DICER1: variants seen among roughly 807,000 people sequenced by gnomAD.
The protein encoded by DICER1 is endoribonuclease Dicer.
A neutral mutation model predicts 194.1 loss-of-function variants in DICER1; 43 were observed. The ratio of observed to expected loss-of-function variants is 0.22; its 90% CI spans 0.17 to 0.29. DICER1 has a LOEUF of 0.29. Among genes scored for constraint, DICER1 ranks in the 10% least tolerant of loss-of-function variants. DICER1 has a pLI of 1.00. For missense variants in DICER1, 1,608 were observed against 2,317.0 expected, an observed-to-expected ratio of 0.69 and a Z score of 6.28; for synonymous variants, 832 against 820.5, an observed-to-expected ratio of 1.01 and a Z score of -0.24.
At chr14:95,156,235 C>T (rs374648396) in intron 1 of DICER1, among the ~76,000 whole-genome samples, 7 of 152,346 alleles carry the variant, frequency 4.6e-5, no homozygotes, top group East Asian at 1.9e-4. Context: ...AGACACCTGA[C>T]AATCAGGATT....
chr14:95,151,606 G>A (rs577999366), intron 1 of DICER1, among the ~76,000 whole-genome samples: 2 of 152,226 alleles, frequency 1.3e-5, no homozygotes, highest in East Asian at 1.9e-4. Flanking sequence ...CTATAAAGTC[G>A]AAGAATCAGG....
intron 4 of DICER1, among the ~76,000 whole-genome samples, chr14:95,131,192 T>A (rs921615973): frequency 3.3e-5 from 5 of 151,980 alleles, no homozygotes; most frequent in African/African-American, 1.2e-4. Context: ...GCCCGGCTAA[T>A]TTTTTTATTG....
At chr14:95,136,086 T>TACAC (rs144415862) in intron 1 of DICER1, among the ~76,000 whole-genome samples, 12,971 of 146,530 alleles carry the variant, frequency 0.089, 691 homozygotes, top group South Asian at 0.22. Flanking sequence ...TACATGTAGA[T>TACAC]ACACACACAC....
chr14:95,148,624 T>C (rs746749962), intron 1 of DICER1, among the ~76,000 whole-genome samples: 4 of 152,344 alleles, frequency 2.6e-5, no homozygotes, highest in Non-Finnish European at 4.4e-5. Flanking sequence ...TAAAATTAGA[T>C]TGGTCCAAAA....
At position 95,116,571 on chromosome 14, in the gene DICER1, G is replaced by T; in HGVS notation, c.1634C>A (p.Ser545Tyr). ...VRFDLPTEYR[S>Y]YVQSKGRARA... is the part of the protein sequence containing the mutation. Reference sequence around the variant, plus strand: ...TGCTCTTCCTTTAGATTGAACATAGGATCGATATTCTGTGGGCAAATCAAA... The same window carrying T: ...TGCTCTTCCTTTAGATTGAACATAGTATCGATATTCTGTGGGCAAATCAAA... Residue 545 changes from serine to tyrosine, a missense_variant, in exon 10 of 27, where the codon TCC (serine) becomes TAC (tyrosine). By Grantham distance (144) the Ser-to-Tyr change is moderately radical (BLOSUM62 -2). This residue lies in a region of DICER1 where 657 missense variants were observed against 910.1 expected (regional missense o/e 0.72). Coordinates refer to ENST00000343455, the MANE Select transcript of DICER1 (RefSeq NM_177438.3). 6.2e-7 allele frequency: 1 copy of T among 1,613,760 alleles called. No homozygotes were observed. Among genetic ancestry groups the T allele is most frequent in the Non-Finnish European group, 8.5e-7 (1 of 1,179,938 alleles).
chr14:95,130,682 T>C (rs1893878125), intron 4 of DICER1, among the ~76,000 whole-genome samples: 1 of 152,224 alleles, frequency 6.6e-6, no homozygotes, highest in African/African-American at 2.4e-5. Context: ...GCTGTTTCAG[T>C]TCAGTGAGGA....
chr14:95,105,097 T>A lies in DICER1; in HGVS notation c.3243A>T (p.Gly1081=), dbSNP rs754546855. 6.2e-7 allele frequency: 1 copy of A among 1,614,188 alleles called. No individual in the cohort carries two copies. Among genetic ancestry groups the A allele is most frequent in the East Asian group, 2.2e-5 (1 of 44,888 alleles). Residue 1081 remains glycine, a synonymous_variant, in exon 20 of 27, where the codon GGA becomes GGT. Transcript: ENST00000343455. The surrounding 1 kb of genome is among the most constrained non-coding windows in gnomAD (Gnocchi z 4.9). ...TAAAATCCGCAGGAAGTGATCTGAC[T>A]CCCACGCCAGCATCGCTGGCAGTCT... ...RAQTASDAGV[G]VRSLPADFRY...
At chr14:95,131,364 T>C in intron 4 of DICER1, 145 bp downstream of exon 4, 1 of 751,150 alleles carries the variant, frequency 1.3e-6, no homozygotes, top group Non-Finnish European at 2.3e-6. Context: ...TAAGATATAG[T>C]ACATCAGGAC....
rs188577390 is a variant in DICER1, at chr14:95,148,427, T to C, written c.-46+8803A>G. On this transcript the variant is annotated intron_variant, in intron 1 of 26. Transcript: ENST00000343455. ...GAGATTCTAAGGATTTCAAGCCTTG[T>C]ATGCCTAAGAATAGGGTAGAGGACA... Among the ~76,000 whole-genome samples, 211 of 152,350 alleles carry C rather than the reference T, an allele frequency of 1.4e-3. 1 individual carries two copies. Among genetic ancestry groups the C allele is most frequent in the Admixed American group, 9.0e-3 (138 of 15,310 alleles).
rs1460244253 is a variant in DICER1 at position 95,089,479 on chromosome 14, A to G, written c.*1019T>C. ...ATCTGCAGCATATTTTAGGTGTGAT[A>G]TGTCTAAGGTTTATTTTGTTAGAGC... On this transcript the variant is annotated 3_prime_UTR_variant, in exon 27 of 27. Coordinates refer to ENST00000343455, the MANE Select transcript of DICER1 (RefSeq NM_177438.3). 4.3e-6 allele frequency: 1 copy of G among 232,590 alleles called. No homozygotes were observed. The highest frequency in any genetic ancestry group is 8.5e-6 in the Non-Finnish European group (1 of 117,668). The allele number at this position is 232,590 out of a possible 1,614,324, so 14.4% of individuals were successfully genotyped here.
intron 24 of DICER1, among the ~76,000 whole-genome samples, chr14:95,091,995 A>T (rs1889884894): frequency 6.6e-6 from 1 of 152,228 alleles, no homozygotes; most frequent in Admixed American, 6.5e-5. Context: ...TCTTTGATGC[A>T]GCAATTGCAT....
chr14:95,115,601 G>C, intron 11 of DICER1, 66 bp downstream of exon 11: 4 of 1,553,632 alleles, frequency 2.6e-6, no homozygotes, highest in Non-Finnish European at 3.6e-6. Flanking sequence ...AATACAAAAT[G>C]TACAGGTTTA....
rs2140027126 is a variant in DICER1, at chr14:95,108,098, GC to G, written c.2437-6del. The stretch of plus-strand genomic sequence containing the variant: ...GTACACAGGAAAGTGTGGAATCTTA[GC>G]AAAAGGAAATGTAAAGCACCCCTCA... On this transcript the variant is annotated splice_region_variant and splice_polypyrimidine_tract_variant and intron_variant, in intron 15 of 26. Coordinates refer to ENST00000343455, the MANE Select transcript of DICER1 (RefSeq NM_177438.3). 1 of 1,606,180 alleles carries G rather than the reference GC, an allele frequency of 6.2e-7. No individual in the cohort carries two copies. Among genetic ancestry groups the G allele is most frequent in the Admixed American group, 1.7e-5 (1 of 60,004 alleles).
Position 95,132,292 on chromosome 14 carries a change from T to C in DICER1, c.307+223A>G, listed in dbSNP as rs1009177122. 2.0e-5 allele frequency among the ~76,000 whole-genome samples: 3 copies of C among 152,246 alleles called. No individual in the cohort carries two copies. The highest frequency in any genetic ancestry group is 2.9e-5 in the Non-Finnish European group (2 of 68,042). Reference sequence around the variant, plus strand: ...TAATGTACATATGTTCCAATACTTATGTTCCAAAAGCAATCCATTCAAAAG... The same window carrying C: ...TAATGTACATATGTTCCAATACTTACGTTCCAAAAGCAATCCATTCAAAAG... On this transcript the variant is annotated intron_variant, in intron 3 of 26. Coordinates refer to ENST00000343455, the MANE Select transcript of DICER1 (RefSeq NM_177438.3).
At chr14:95,139,339 C>T (rs1894675081) in intron 1 of DICER1, among the ~76,000 whole-genome samples, 1 of 152,224 alleles carries the variant, frequency 6.6e-6, no homozygotes, top group Admixed American at 6.5e-5. Context: ...AGCTGCATAT[C>T]TTACCCTTAC....
rs1060503598 is a variant in DICER1, at chr14:95,124,478, G to C, written c.1094C>G (p.Pro365Arg). The change falls in exon 8 of 27, where the codon CCT becomes CGT. Residue 365 changes from proline (P) to arginine (R), a missense_variant. Around this residue, in one of 10 missense-constraint regions of DICER1, gnomAD observed 657 missense variants for 910.1 expected, o/e 0.72. Transcript: ENST00000343455. The surrounding 1 kb of genome is among the most constrained non-coding windows in gnomAD (Gnocchi z 4.5). ...TACAAATTTCAGGTCAAGTGAGGCA[G>C]GTGAGAAGTGCTCTTCACATAGTGC... ...IHALCEEHFS[P>R]ASLDLKFVTP... The C allele has an allele frequency of 6.2e-7, 1 of 1,614,150 alleles. No individual in the cohort carries two copies. The highest frequency in any genetic ancestry group is 1.1e-5 in the South Asian group (1 of 91,090).
chr14:95,097,633 A>T lies in DICER1; in HGVS notation c.4207-920T>A, dbSNP rs552899419. Among the ~76,000 whole-genome samples the T allele has an allele frequency of 1.5e-3, 231 of 151,480 alleles. 1 individual carries two copies. The highest frequency in any genetic ancestry group is 2.0e-3 in the Non-Finnish European group (135 of 68,036). On this transcript the variant is annotated intron_variant, in intron 22 of 26. Transcript: ENST00000343455. ...CTGTTATGCAAGTTTTTAAAAAACC[A>T]AAAAACTTGTGAAGGGGGAAGACGA...
chr14:95,115,888 G>A, intron 10 of DICER1, 67 bp from the exon 11 acceptor site: 1 of 1,525,076 alleles, frequency 6.6e-7, no homozygotes, highest in Non-Finnish European at 9.1e-7. Flanking sequence ...GTCTGCCTCT[G>A]TACCTACAGA....
rs201842071 is a variant in DICER1, at chr14:95,126,586, C to G, written c.897G>C (p.Ser299=). The change falls in exon 7 of 27, where the codon TCG becomes TCC. Residue 299 remains serine (S), a synonymous_variant. Transcript: ENST00000343455. ...HSKERDSTLI[S]KQILSDCRAV... Reference sequence around the variant, plus strand: ...CTACTTGGTATATGCTTACCTGTTTCGAAATTAAAGTAGAATCTCTTTCTT... The same window carrying G: ...CTACTTGGTATATGCTTACCTGTTTGGAAATTAAAGTAGAATCTCTTTCTT... 4.6e-6 allele frequency: 7 copies of G among 1,512,622 alleles called. No individual in the cohort carries two copies. The allele number at this position is 1,512,622 out of a possible 1,614,324, so 93.7% of individuals were successfully genotyped here.
Sources: allele counts gnomAD v4.1 joint callset (sites outside exome capture counted in the v4.1 genomes callset), GRCh38; gene constraint gnomAD v4.1.1; regional missense constraint gnomAD v4.1.1; non-coding constraint Gnocchi (gnomAD v3.1); transcripts MANE v1.5; gene names NCBI Gene and HGNC (gene_info 2026-07-23, HGNC 2026-07-21).